Variants in CADM2 observed in about 807,000 individuals in gnomAD.
CADM2 encodes immunoglobulin superfamily member 4D.
A neutral mutation model predicts 49.8 loss-of-function variants in CADM2; 12 were observed. That is an observed-to-expected ratio of 0.24 (90% confidence interval 0.15 to 0.39). CADM2 has a LOEUF of 0.39. Ranked by LOEUF, CADM2 falls within the 10% of genes least tolerant of loss-of-function variation. CADM2 has a pLI of 1.00. For missense variants in CADM2, 378 were observed against 492.3 expected, an observed-to-expected ratio of 0.77 and a Z score of 2.20; for synonymous variants, 214 against 175.4, an observed-to-expected ratio of 1.22 and a Z score of -1.74.
chr3:85,602,726 G>C (rs765991439), intron 1 of CADM2, among the ~76,000 whole-genome samples: 1 of 151,782 alleles, frequency 6.6e-6, no homozygotes, highest in African/African-American at 2.4e-5. Context: ...GTCATCAACA[G>C]TAGTATCAAG....
chr3:85,893,382 C>G (rs1251599593), intron 5 of CADM2, among the ~76,000 whole-genome samples: 1 of 152,084 alleles, frequency 6.6e-6, no homozygotes, highest in Non-Finnish European at 1.5e-5. Flanking sequence ...AGACCTAAAA[C>G]CATAAAAACC....
At chr3:85,714,644 A>G (rs573731336) in intron 1 of CADM2, among the ~76,000 whole-genome samples, 1 of 151,860 alleles carries the variant, frequency 6.6e-6, no homozygotes, top group East Asian at 1.9e-4. Context: ...GTTAGCTAGG[A>G]TGGTCTCGAT....
At chr3:85,945,907 T>C (rs1022089352) in intron 7 of CADM2, among the ~76,000 whole-genome samples, 3 of 152,000 alleles carry the variant, frequency 2.0e-5, no homozygotes, top group African/African-American at 4.8e-5. Context: ...CTATTCAACA[T>C]AGTGTTGGAA....
chr3:85,321,201 C>T (rs1455761220), intron 1 of CADM2, among the ~76,000 whole-genome samples: 2 of 113,758 alleles, frequency 1.8e-5, no homozygotes, highest in African/African-American at 3.3e-5. Flanking sequence ...GAGAGAGTGT[C>T]TTGCTCTGTT....
intron 8 of CADM2, among the ~76,000 whole-genome samples, chr3:86,025,595 C>G (rs948169309): frequency 1.3e-5 from 2 of 152,064 alleles, no homozygotes; most frequent in African/African-American, 4.8e-5. Flanking sequence ...ATTTTTATTA[C>G]ACTTGGCAGA....
At chr3:85,021,576 A>T (rs569728664) in intron 1 of CADM2, among the ~76,000 whole-genome samples, 10 of 152,196 alleles carry the variant, frequency 6.6e-5, no homozygotes, top group Middle Eastern at 3.4e-3. Flanking sequence ...GGTGTTCGAG[A>T]CCAGCCTGGC....
chr3:85,352,493 A>G (rs2031447984), intron 1 of CADM2, among the ~76,000 whole-genome samples: 1 of 152,066 alleles, frequency 6.6e-6, no homozygotes, highest in Admixed American at 6.6e-5. Flanking sequence ...GCTGATTTTG[A>G]TTGCAAATTA....
intron 1 of CADM2, among the ~76,000 whole-genome samples, chr3:85,358,407 A>G (rs1361493477): frequency 6.6e-6 from 1 of 152,118 alleles, no homozygotes; most frequent in Admixed American, 6.6e-5. Flanking sequence ...ATATATATAT[A>G]GTTCAGAACC....
chr3:85,092,958 C>T (rs1161741842), intron 1 of CADM2, among the ~76,000 whole-genome samples: 5 of 152,138 alleles, frequency 3.3e-5, no homozygotes, highest in East Asian at 3.9e-4. Flanking sequence ...TCCTGTTTTA[C>T]GTGAATAACA....
intron 1 of CADM2, among the ~76,000 whole-genome samples, chr3:85,088,692 C>T (rs145994640): frequency 2.6e-5 from 4 of 152,126 alleles, no homozygotes; most frequent in East Asian, 1.9e-4. Flanking sequence ...AATCAAATTA[C>T]ATTAAGAAGA....
At chr3:85,996,807 A>T (rs951753233) in intron 8 of CADM2, among the ~76,000 whole-genome samples, 1 of 152,174 alleles carries the variant, frequency 6.6e-6, no homozygotes, top group Non-Finnish European at 1.5e-5. Flanking sequence ...TATTGAGATT[A>T]GTTATTTTAA....
intron 3 of CADM2, among the ~76,000 whole-genome samples, chr3:85,869,171 A>G (rs889763374): frequency 2.0e-5 from 3 of 152,078 alleles, no homozygotes; most frequent in African/African-American, 7.2e-5. Flanking sequence ...TCACTAGTTC[A>G]GCTAACTCGA....
chr3:85,625,836 T>C (rs1476103663), intron 1 of CADM2, among the ~76,000 whole-genome samples: 1 of 152,004 alleles, frequency 6.6e-6, no homozygotes, highest in Admixed American at 6.6e-5. Context: ...AAAGCATTGA[T>C]TTTAAAACTA....
chr3:85,214,514 C>T (rs1275996544), intron 1 of CADM2, among the ~76,000 whole-genome samples: 1 of 152,032 alleles, frequency 6.6e-6, no homozygotes, highest in East Asian at 1.9e-4. Context: ...TTGTCTTTCC[C>T]TTCAGGGTGA....
At chr3:85,073,573 A>G (rs761661230) in intron 1 of CADM2, among the ~76,000 whole-genome samples, 82 of 152,144 alleles carry the variant, frequency 5.4e-4, no homozygotes, top group Middle Eastern at 3.2e-3. Flanking sequence ...TTTTCTTACA[A>G]TGGCCTATAG....
chr3:85,468,153 CAAAAAAAAAAAA>C (rs57721920), intron 1 of CADM2, among the ~76,000 whole-genome samples: 3 of 55,336 alleles, frequency 5.4e-5, no homozygotes, highest in African/African-American at 2.7e-4. Flanking sequence ...GACTCCGTCT[CAAAAAAAAAAAA>C]AAAAAAAAAA....
intron 1 of CADM2, among the ~76,000 whole-genome samples, chr3:85,611,654 C>T (rs1021659656): frequency 6.6e-6 from 1 of 151,478 alleles, no homozygotes; most frequent in Non-Finnish European, 1.5e-5. Context: ...TAACATAGAC[C>T]CACTGTCCCT....
At chr3:85,223,909 A>G (rs1340447519) in intron 1 of CADM2, among the ~76,000 whole-genome samples, 1 of 152,156 alleles carries the variant, frequency 6.6e-6, no homozygotes, top group East Asian at 1.9e-4. Context: ...AGCTTCATCC[A>G]TGTCCCTGCA....
Position 85,573,055 on chromosome 3 carries a change from ATATCT to A in CADM2, c.62-153463_62-153459del, listed in dbSNP as rs2062524757. Among the ~76,000 whole-genome samples, 4 of 152,312 alleles carry A rather than the reference ATATCT, an allele frequency of 2.6e-5. No individual in the cohort carries two copies. The South Asian group carries it at 8.3e-4, about 32-fold the overall frequency. ...AGTTAATGAACTATTTTAACAGAAAATATCTTATTGTTATAAATGGGAAAGTTAGG... is the reference window on the plus strand; with the variant it reads ...AGTTAATGAACTATTTTAACAGAAAATATTGTTATAAATGGGAAAGTTAGG... On this transcript the variant is annotated intron_variant, in intron 1 of 9. Transcript: ENST00000383699.
Sources: allele counts gnomAD v4.1 joint callset (sites outside exome capture counted in the v4.1 genomes callset), GRCh38; gene constraint gnomAD v4.1.1; transcripts MANE v1.5; gene names NCBI Gene and HGNC (gene_info 2026-07-23, HGNC 2026-07-21).